EDA: variants seen among roughly 807,000 people sequenced by gnomAD.
EDA encodes ectodysplasin A, also known as ectodysplasin-A.
EDA carries 2 observed loss-of-function variants against 23.6 expected under a neutral mutation model. The observed-to-expected ratio is 0.08, with a 90% CI of 0.03 to 0.27. The LOEUF (loss-of-function observed/expected upper bound fraction) is 0.27. EDA is among the 10% of genes least tolerant of loss of function. The probability of loss-of-function intolerance (pLI) is 1.00; values close to 1 mark genes in which losing one functional copy is unlikely to be tolerated. For missense variants in EDA, 229 were observed against 324.2 expected (o/e 0.71, Z 2.26); for synonymous variants, 131 against 132.0 (o/e 0.99, Z 0.05).
At chrX:69,819,907 A>C (rs914171778) in intron 1 of EDA, among the ~76,000 whole-genome samples, 9 of 102,429 alleles carry the variant, frequency 8.8e-5, no homozygotes, top group South Asian at 4.3e-4. Context: ...GCAAAAAAAA[A>C]AAAAAACAAA....
At chrX:69,766,581 T>C (rs181265217) in intron 1 of EDA, among the ~76,000 whole-genome samples, 42 of 112,014 alleles carry the variant, frequency 3.7e-4, no homozygotes, top group Non-Finnish European at 7.0e-4. Context: ...CTAAGGATAA[T>C]GGCTTCCAGC....
At chrX:69,680,514 G>T (rs1171136791) in intron 1 of EDA, among the ~76,000 whole-genome samples, 2 of 54,970 alleles carry the variant, frequency 3.6e-5, no homozygotes. Context: ...CCTGTATTGG[G>T]TGCATATATA....
intron 1 of EDA, among the ~76,000 whole-genome samples, chrX:69,721,859 G>A (rs944396603): frequency 6.3e-5 from 7 of 111,685 alleles, no homozygotes; most frequent in African/African-American, 2.3e-4. Context: ...TTAGCTGAGA[G>A]AAGCAGGGAA....
At chrX:69,757,324 G>A (rs1049209096) in intron 1 of EDA, among the ~76,000 whole-genome samples, 3 of 111,777 alleles carry the variant, frequency 2.7e-5, no homozygotes, top group Non-Finnish European at 5.6e-5. Context: ...AAGAGGGGGA[G>A]TGCTAACTCA....
At chrX:70,021,981 C>T (rs1335560818) in intron 2 of EDA, among the ~76,000 whole-genome samples, 6 of 111,863 alleles carry the variant, frequency 5.4e-5, no homozygotes, top group Non-Finnish European at 7.5e-5. Context: ...TATTGAAATG[C>T]TTGGTGTTCC....
chrX:69,811,482 G>A (rs1755702560), intron 1 of EDA, among the ~76,000 whole-genome samples: 2 of 112,175 alleles, frequency 1.8e-5, no homozygotes, highest in African/African-American at 6.5e-5. Context: ...ACAACTCATA[G>A]TGCAGGCTGA....
At chrX:69,800,341 G>GTA (rs2147486323) in intron 1 of EDA, among the ~76,000 whole-genome samples, 1 of 111,303 alleles carries the variant, frequency 9.0e-6, no homozygotes, top group African/African-American at 3.3e-5. Context: ...GGTTACTATA[G>GTA]TAAACAACGT....
chrX:70,012,120 A>AGC (rs1373580432), intron 2 of EDA, among the ~76,000 whole-genome samples: 5 of 111,848 alleles, frequency 4.5e-5, no homozygotes, highest in African/African-American at 1.6e-4. Context: ...CGTACTGCAT[A>AGC]GCTATATGTC....
chrX:69,899,650 C>A (rs920301285), intron 1 of EDA, among the ~76,000 whole-genome samples: 3 of 111,074 alleles, frequency 2.7e-5, no homozygotes, highest in Non-Finnish European at 5.7e-5. Context: ...CCTACCCACT[C>A]TATTCATTAA....
chrX:69,686,839 G>A (rs1403495747), intron 1 of EDA, among the ~76,000 whole-genome samples: 1 of 111,595 alleles, frequency 9.0e-6, no homozygotes, highest in African/African-American at 3.3e-5. Flanking sequence ...ATGGACATTA[G>A]GTTGTTTCCA....
At chrX:69,910,374 AGTGTGT>A (rs4007733) in intron 1 of EDA, among the ~76,000 whole-genome samples, 2,123 of 41,481 alleles carry the variant, frequency 0.051, 32 homozygotes, top group Middle Eastern at 0.089. Context: ...AGAGAGAGAG[AGTGTGT>A]GTGTGTGTGT....
At chrX:69,656,743 C>T (rs758594183) in intron 1 of EDA, among the ~76,000 whole-genome samples, 2 of 111,694 alleles carry the variant, frequency 1.8e-5, no homozygotes, top group Admixed American at 9.6e-5. Context: ...AGTGAGAACA[C>T]GTGGTATTTG....
At chrX:69,749,296 C>T (rs1283118939) in intron 1 of EDA, among the ~76,000 whole-genome samples, 1 of 91,230 alleles carries the variant, frequency 1.1e-5, no homozygotes, top group Admixed American at 1.3e-4. Flanking sequence ...GCATAGTATT[C>T]CATGGTGTAT....
At chrX:69,819,605 A>T (rs1166229970) in intron 1 of EDA, among the ~76,000 whole-genome samples, 1 of 111,754 alleles carries the variant, frequency 8.9e-6, no homozygotes, top group Non-Finnish European at 1.9e-5. Context: ...GAGCCAAGTC[A>T]TGAATTAACT....
At chrX:69,753,521 T>A (rs1464863066) in intron 1 of EDA, among the ~76,000 whole-genome samples, 2 of 112,072 alleles carry the variant, frequency 1.8e-5, no homozygotes, top group Non-Finnish European at 3.8e-5. Flanking sequence ...TTGGAATAAG[T>A]GCAATGTGGT....
At chrX:69,929,706 T>TGTGTGTGTGTGTG (rs373930590) in intron 1 of EDA, among the ~76,000 whole-genome samples, 58 of 84,341 alleles carry the variant, frequency 6.9e-4, no homozygotes, top group Admixed American at 1.3e-3. Context: ...CATTCTATTT[T>TGTGTGTGTGTGTG]TGTGTGTGTG....
chrX:69,942,903 C>T (rs2018782348), intron 1 of EDA, among the ~76,000 whole-genome samples: 1 of 110,258 alleles, frequency 9.1e-6, no homozygotes, highest in Non-Finnish European at 1.9e-5. Context: ...CTTTTGTCTC[C>T]TCTGACTGTG....
intron 2 of EDA, among the ~76,000 whole-genome samples, chrX:69,966,826 A>G (rs938371913): frequency 9.1e-6 from 1 of 110,125 alleles, no homozygotes; most frequent in Non-Finnish European, 1.9e-5. Flanking sequence ...TGAAGTAGCC[A>G]TGTTCTATTG....
intron 1 of EDA, among the ~76,000 whole-genome samples, chrX:69,891,691 T>G (rs929865816): frequency 9.1e-6 from 1 of 110,452 alleles, no homozygotes; most frequent in Non-Finnish European, 1.9e-5. Flanking sequence ...GTGTTCTCAC[T>G]TATCAGTGGG....
Sources: gnomAD v4.1 joint callset for allele counts (sites outside exome capture counted in the v4.1 genomes callset) on GRCh38, gnomAD v4.1.1 for gene constraint, MANE v1.5 for transcripts, NCBI Gene and HGNC (gene_info 2026-07-23, HGNC 2026-07-21) for gene names.